CFAP299: variants seen among roughly 807,000 people sequenced by gnomAD.
CFAP299 encodes the protein cilia- and flagella-associated protein 299.
In CFAP299, 21 loss-of-function variants were observed where a neutral mutation model predicts 27.0. The ratio of observed to expected loss-of-function variants is 0.78; its 90% CI spans 0.55 to 1.12. CFAP299 has a LOEUF of 1.12. Ranked by LOEUF, CFAP299 falls within the 50% of genes most tolerant of loss-of-function variation. CFAP299 has a pLI of 0.00. For missense variants in CFAP299, 310 were observed against 276.6 expected, an observed-to-expected ratio of 1.12 and a Z score of -0.86; for synonymous variants, 104 against 98.1, an observed-to-expected ratio of 1.06 and a Z score of -0.36.
At chr4:80,805,828 C>A (rs142165163) in intron 3 of CFAP299, among the ~76,000 whole-genome samples, 1 of 152,106 alleles carries the variant, frequency 6.6e-6, no homozygotes, top group Admixed American at 6.6e-5. Context: ...GAGCCAACAT[C>A]GTGCCACTGC....
At chr4:80,383,854 TTTG>T (rs1299536869) in intron 2 of CFAP299, among the ~76,000 whole-genome samples, 2 of 152,124 alleles carry the variant, frequency 1.3e-5, no homozygotes, top group Admixed American at 6.6e-5. Context: ...TCTGTTTTTT[TTTG>T]TTGTTGTTAT....
At chr4:80,494,921 TCATTA>T (rs1731359253) in intron 2 of CFAP299, among the ~76,000 whole-genome samples, 1 of 152,208 alleles carries the variant, frequency 6.6e-6, no homozygotes, top group Non-Finnish European at 1.5e-5. Context: ...AGCAGGTCAG[TCATTA>T]CATCTTAAAT....
chr4:80,352,715 A>G (rs1372093883), intron 1 of CFAP299, among the ~76,000 whole-genome samples: 3 of 77,348 alleles, frequency 3.9e-5, no homozygotes, highest in African/African-American at 1.8e-4. Flanking sequence ...ATACAAAAGT[A>G]TATTCTGTGA....
At chr4:80,450,437 A>T (rs544005422) in intron 2 of CFAP299, among the ~76,000 whole-genome samples, 2 of 152,296 alleles carry the variant, frequency 1.3e-5, no homozygotes, top group East Asian at 3.9e-4. Context: ...CCCTGAAGAG[A>T]AATGCTTGGA....
At chr4:80,685,451 C>T (rs1720121915) in intron 3 of CFAP299, among the ~76,000 whole-genome samples, 1 of 152,030 alleles carries the variant, frequency 6.6e-6, no homozygotes, top group African/African-American at 2.4e-5. Flanking sequence ...TCATACCACA[C>T]ACATCTGATA....
intron 4 of CFAP299, chr4:80,871,430 C>A: frequency 1.0e-6 from 1 of 985,438 alleles, no homozygotes; most frequent in Non-Finnish European, 1.2e-6. Flanking sequence ...TTTCACAAAA[C>A]TGTGGATTGC....
chr4:80,927,716 G>A (rs973732887), intron 4 of CFAP299, among the ~76,000 whole-genome samples: 9 of 152,096 alleles, frequency 5.9e-5, no homozygotes, highest in South Asian at 2.1e-4. Flanking sequence ...CAGCAACAGT[G>A]TCTTAAATCC....
rs138653024 is a variant in CFAP299 at position 80,909,107 on chromosome 4, C to T, written c.477-35703C>T. On this transcript the variant is annotated intron_variant, in intron 4 of 5. Coordinates refer to ENST00000358105, the MANE Select transcript of CFAP299 (RefSeq NM_152770.3). ...CTCCCCAAGTTTACAAAAGCAAAAC[C>T]TGTAATCACTTACTTAAACATCTAT... 3.1e-3 allele frequency among the ~76,000 whole-genome samples: 468 copies of T among 152,154 alleles called. 2 individuals carry two copies. Among genetic ancestry groups the T allele is most frequent in the African/African-American group, 0.011 (449 of 41,544 alleles).
intron 2 of CFAP299, among the ~76,000 whole-genome samples, chr4:80,449,002 ACTT>A (rs1024229947): frequency 6.6e-6 from 1 of 152,186 alleles, no homozygotes; most frequent in African/African-American, 2.4e-5. Context: ...TAGTTAATGT[ACTT>A]CTTGGAGATT....
chr4:80,815,322 A>G (rs1241969258), intron 3 of CFAP299, among the ~76,000 whole-genome samples: 1 of 151,862 alleles, frequency 6.6e-6, no homozygotes, highest in Non-Finnish European at 1.5e-5. Flanking sequence ...TATTCAGCTT[A>G]TATATGCATG....
At chr4:80,825,867 G>A (rs761386282) in intron 3 of CFAP299, among the ~76,000 whole-genome samples, 1 of 151,734 alleles carries the variant, frequency 6.6e-6, no homozygotes, top group African/African-American at 2.4e-5. Flanking sequence ...TTATAAAAAT[G>A]GTTTGTAACT....
At chr4:80,457,852 C>T (rs981764372) in intron 2 of CFAP299, among the ~76,000 whole-genome samples, 8 of 152,094 alleles carry the variant, frequency 5.3e-5, no homozygotes, top group African/African-American at 1.9e-4. Flanking sequence ...CATGTTTTGC[C>T]GGGCTTGTAG....
At chr4:80,386,493 C>G (rs1725003588) in intron 2 of CFAP299, 5 of 1,543,654 alleles carry the variant, frequency 3.2e-6, no homozygotes, top group Non-Finnish European at 4.4e-6. Context: ...CGGGGCTGCC[C>G]TCTTCTCGCG....
chr4:80,795,083 G>A lies in CFAP299; in HGVS notation c.334-74910G>A, dbSNP rs377684957. 5.3e-5 allele frequency among the ~76,000 whole-genome samples: 8 copies of A among 152,220 alleles called. No homozygotes were observed. In the East Asian group the frequency reaches 5.8e-4, roughly 11 times the overall value. ...AGAAGCTGAGTGGTGTCCACAGAAC[G>A]GGGCATGCTATTCACTAGATTATTA... On this transcript the variant is annotated intron_variant, in intron 3 of 5. Transcript: ENST00000358105.
chr4:80,353,583 C>G (rs1435628389), intron 1 of CFAP299, among the ~76,000 whole-genome samples: 1 of 152,212 alleles, frequency 6.6e-6, no homozygotes, highest in Non-Finnish European at 1.5e-5. Flanking sequence ...ACTCCCAACT[C>G]TAACCTTTCT....
At chr4:80,840,424 C>T (rs922050772) in intron 3 of CFAP299, among the ~76,000 whole-genome samples, 15 of 152,030 alleles carry the variant, frequency 9.9e-5, no homozygotes, top group African/African-American at 3.6e-4. Flanking sequence ...TAAATGTTAC[C>T]GGGTTATTTT....
At chr4:80,773,540 T>G (rs1726344992) in intron 3 of CFAP299, among the ~76,000 whole-genome samples, 1 of 152,164 alleles carries the variant, frequency 6.6e-6, no homozygotes, top group South Asian at 2.1e-4. Flanking sequence ...TTATTAATTC[T>G]GCAGAGATGA....
chr4:80,740,654 C>A (rs1332140501), intron 3 of CFAP299, among the ~76,000 whole-genome samples: 2 of 152,186 alleles, frequency 1.3e-5, no homozygotes, highest in Admixed American at 6.5e-5. Context: ...TCCAGAGATG[C>A]TCGTTAGGAG....
chr4:80,675,431 G>A (rs1346052977), intron 3 of CFAP299, among the ~76,000 whole-genome samples: 1 of 152,160 alleles, frequency 6.6e-6, no homozygotes, highest in Non-Finnish European at 1.5e-5. Flanking sequence ...TCCCAGAGGG[G>A]CACCCACTTG....
Sources: gnomAD v4.1 joint callset for allele counts (sites outside exome capture counted in the v4.1 genomes callset) on GRCh38, gnomAD v4.1.1 for gene constraint, MANE v1.5 for transcripts, NCBI Gene and HGNC (gene_info 2026-07-23, HGNC 2026-07-21) for gene names.